NUP93: variants seen among roughly 807,000 people sequenced by gnomAD.
The protein encoded by NUP93 is nucleoporin 93.
Under a neutral mutation model 107.8 loss-of-function variants are expected in NUP93, and 55 were observed. The ratio of observed to expected loss-of-function variants is 0.51; its 90% CI spans 0.41 to 0.64. The LOEUF (loss-of-function observed/expected upper bound fraction) is 0.64. Among genes scored for constraint, NUP93 ranks in the 30% least tolerant of loss-of-function variants. The pLI is 0.00. For missense variants in NUP93, 937 were observed against 1,044.7 expected (o/e 0.90, Z 1.42); for synonymous variants, 390 against 397.5 (o/e 0.98, Z 0.22).
At chr16:56,757,744 C>T (rs1277569907) in intron 2 of NUP93, among the ~76,000 whole-genome samples, 6 of 152,178 alleles carry the variant, frequency 3.9e-5, no homozygotes, top group African/African-American at 1.2e-4. Context: ...CTGAACATGG[C>T]GTTTGGCTTT....
At chr16:56,739,677 C>T (rs1456655895) in intron 1 of NUP93, among the ~76,000 whole-genome samples, 35 of 121,600 alleles carry the variant, frequency 2.9e-4, no homozygotes, top group East Asian at 1.2e-3. Flanking sequence ...GGAGGGCTGA[C>T]CCCCCCACCT....
rs2144457457 is a variant in NUP93, at chr16:56,748,314, A to T, written c.67A>T (p.Ile23Phe). The stretch of plus-strand genomic sequence containing the variant: ...ACAGCTTGCTGCTGAGACTGAGGGC[A>T]TCTCAGAGCTTCCCCATGTGGAACG... ...AEQLAAETEG[I>F]SELPHVERNL... The change falls in exon 2 of 22, where the codon ATC becomes TTC. Residue 23 changes from isoleucine (I) to phenylalanine (F), a missense_variant. Transcript: ENST00000308159. 2 of 1,613,928 alleles carry T rather than the reference A, an allele frequency of 1.2e-6. No individual in the cohort carries two copies. Among genetic ancestry groups the T allele is most frequent in the Middle Eastern group, 1.7e-4 (1 of 6,060 alleles).
intron 1 of NUP93, among the ~76,000 whole-genome samples, chr16:56,741,384 G>A (rs1179776485): frequency 6.6e-6 from 1 of 152,160 alleles, no homozygotes; most frequent in African/African-American, 2.4e-5. Context: ...TACCATTTTT[G>A]ATTGATGAGG....
At chr16:56,781,715 T>C in intron 3 of NUP93, 1 of 458,584 alleles carries the variant, frequency 2.2e-6, no homozygotes, top group Non-Finnish European at 2.9e-6. Context: ...GTGGTTTGGG[T>C]TGGGGAAAAA....
chr16:56,810,591 CACTGT>C (rs1348004697), intron 5 of NUP93, among the ~76,000 whole-genome samples: 4 of 152,106 alleles, frequency 2.6e-5, no homozygotes, highest in African/African-American at 9.6e-5. Context: ...GTGATCGCAC[CACTGT>C]ACCCCAGCCT....
chr16:56,802,702 A>G (rs1347646344), intron 4 of NUP93, among the ~76,000 whole-genome samples: 4 of 152,342 alleles, frequency 2.6e-5, no homozygotes, highest in African/African-American at 7.2e-5. Flanking sequence ...ACAGTTCCCC[A>G]AAGCTCATGC....
At chr16:56,757,557 C>T (rs1271374921) in intron 2 of NUP93, among the ~76,000 whole-genome samples, 1 of 152,150 alleles carries the variant, frequency 6.6e-6, no homozygotes, top group Non-Finnish European at 1.5e-5. Flanking sequence ...AGAGAGTGTT[C>T]TAGATATTAG....
Position 56,841,756 on chromosome 16 carries a change from A to C in NUP93, c.2272A>C (p.Thr758Pro). 1 of 1,614,202 alleles carries C rather than the reference A, an allele frequency of 6.2e-7. No homozygotes were observed. Among genetic ancestry groups the C allele is most frequent in the South Asian group, 1.1e-5 (1 of 91,086 alleles). ...VLLATMNILF[T>P]QFKRLKGTSP... ...TCTTGCCACCATGAACATCTTGTTCACACAGTTTAAGAGGCTCAAGGGGAC... is the reference window on the plus strand; with the variant it reads ...TCTTGCCACCATGAACATCTTGTTCCCACAGTTTAAGAGGCTCAAGGGGAC... Residue 758 changes from threonine to proline, a missense_variant, in exon 21 of 22, where the codon ACA becomes CCA. Thr to Pro is a conservative substitution (Grantham distance 38, BLOSUM62 -1). Transcript: ENST00000308159.
At chr16:56,805,912 C>T (rs1396465526) in intron 5 of NUP93, among the ~76,000 whole-genome samples, 1 of 151,886 alleles carries the variant, frequency 6.6e-6, no homozygotes, top group African/African-American at 2.4e-5. Flanking sequence ...CTCTCTCAAT[C>T]GCTATCCTGT....
intron 1 of NUP93, chr16:56,747,791 T>C (rs1365057363): frequency 1.3e-5 from 2 of 153,474 alleles, no homozygotes; most frequent in African/African-American, 2.4e-5. Flanking sequence ...TCATTTGACA[T>C]AAGGTCTTAT....
At position 56,841,698 on chromosome 16, in the gene NUP93, TA is replaced by T; in HGVS notation, c.2221-6del. 1.2e-6 allele frequency: 2 copies of T among 1,613,810 alleles called. No homozygotes were observed. The highest frequency in any genetic ancestry group is 2.2e-5 in the East Asian group (1 of 44,874). ...TTTTTCTTTACTCTGTTTTTCTCTC[TA>T]TGTAGATCAGGCACAACCTCTCAGA... On this transcript the variant is annotated splice_region_variant and splice_polypyrimidine_tract_variant and intron_variant, in intron 20 of 21. Transcript: ENST00000308159.
intron 21 of NUP93, among the ~76,000 whole-genome samples, chr16:56,843,986 CAGG>C (rs1186167419): frequency 6.6e-6 from 1 of 152,036 alleles, no homozygotes; most frequent in Non-Finnish European, 1.5e-5. Context: ...AAGGGAGAAA[CAGG>C]AGGAATGAAA....
intron 5 of NUP93, among the ~76,000 whole-genome samples, chr16:56,810,405 G>A (rs1963287605): frequency 6.6e-6 from 1 of 152,140 alleles, no homozygotes; most frequent in Admixed American, 6.5e-5. Flanking sequence ...GAGGCAGGAG[G>A]ATCACCTGAA....
chr16:56,794,499 G>A (rs1298534439), intron 3 of NUP93, among the ~76,000 whole-genome samples: 1 of 151,830 alleles, frequency 6.6e-6, no homozygotes, highest in Non-Finnish European at 1.5e-5. Flanking sequence ...CAGAAATTTG[G>A]GAATTGCATT....
At chr16:56,825,475 G>T (rs117355870) in intron 8 of NUP93, among the ~76,000 whole-genome samples, 1 of 151,930 alleles carries the variant, frequency 6.6e-6, no homozygotes, top group African/African-American at 2.4e-5. Context: ...AAAGTGCTGG[G>T]ATTACAGGCG....
chr16:56,804,622 A>G (rs1314864811), intron 4 of NUP93, among the ~76,000 whole-genome samples: 1 of 152,136 alleles, frequency 6.6e-6, no homozygotes, highest in African/African-American at 2.4e-5. Context: ...AAAATGGTTT[A>G]TGTGGGCTGG....
intron 5 of NUP93, among the ~76,000 whole-genome samples, chr16:56,805,930 T>A (rs1326398334): frequency 6.6e-6 from 1 of 151,908 alleles, no homozygotes; most frequent in Non-Finnish European, 1.5e-5. Flanking sequence ...TGTGATTTCA[T>A]CTGGGGCTTG....
At position 56,830,407 on chromosome 16, in the gene NUP93, G is replaced by A. The variant is rs1308016140; in HGVS notation, c.928-121G>A. On this transcript the variant is annotated intron_variant, in intron 9 of 21. Coordinates refer to ENST00000308159, the MANE Select transcript of NUP93 (RefSeq NM_014669.5). Reference sequence around the variant, plus strand: ...GGCTGTTAATGGTTCTCACTGCAGGGAGCTGTTCTGAAGATTAAGTGACAT... The same window carrying A: ...GGCTGTTAATGGTTCTCACTGCAGGAAGCTGTTCTGAAGATTAAGTGACAT... 4 of 901,270 alleles carry A rather than the reference G, an allele frequency of 4.4e-6. No individual in the cohort carries two copies. In the Admixed American group the frequency reaches 7.9e-5, roughly 18 times the overall value. The allele number at this position is 901,270 out of a possible 1,614,324, so 55.8% of individuals were successfully genotyped here.
chr16:56,767,740 C>T (rs1426865387), intron 3 of NUP93, among the ~76,000 whole-genome samples: 1 of 152,176 alleles, frequency 6.6e-6, no homozygotes, highest in Admixed American at 6.5e-5. Flanking sequence ...GCACATCAGT[C>T]TTTCTCAACA....
Sources: gnomAD v4.1 joint callset for allele counts (sites outside exome capture counted in the v4.1 genomes callset) on GRCh38, gnomAD v4.1.1 for gene constraint, MANE v1.5 for transcripts, NCBI Gene and HGNC (gene_info 2026-07-23, HGNC 2026-07-21) for gene names.